Variants in TMTC2 observed in about 807,000 individuals in gnomAD.
TMTC2 encodes protein O-mannosyl-transferase TMTC2.
A neutral mutation model predicts 82.4 loss-of-function variants in TMTC2; 43 were observed. That is an observed-to-expected ratio of 0.52 (90% CI 0.41 to 0.67). The LOEUF is 0.67. TMTC2 is among the 30% of genes least tolerant of loss of function. The pLI, the probability that TMTC2 is intolerant of heterozygous loss-of-function variation, is 0.00. For missense variants in TMTC2, 919 were observed against 1,012.4 expected, an observed-to-expected ratio of 0.91 and a Z score of 1.25; for synonymous variants, 408 against 381.9, an observed-to-expected ratio of 1.07 and a Z score of -0.80.
At position 82,895,818 on chromosome 12, in the gene TMTC2, A is replaced by G; in HGVS notation, c.655A>G (p.Arg219Gly). ...IKQILPTIYK[R>G]KNLSLFLSIS... ...TTTCCCTTCTCTCTTTTGGTTTCAG[A>G]GGAAGAACTTGTCGCTTTTCCTAAG... is the stretch of plus-strand genomic sequence containing the variant. Residue 219 changes from arginine (R) to glycine (G), a missense_variant and splice_region_variant, in exon 3 of 12, where the codon AGG (arginine) becomes GGG (glycine). Physicochemically the swap from Arg to Gly is moderately radical, Grantham distance 125 (BLOSUM62 -2). Coordinates refer to ENST00000321196, the MANE Select transcript of TMTC2 (RefSeq NM_152588.3). 6.3e-7 allele frequency: 1 copy of G among 1,598,816 alleles called. No individual in the cohort carries two copies. Among genetic ancestry groups the G allele is most frequent in the Non-Finnish European group, 8.5e-7 (1 of 1,172,446 alleles).
chr12:82,910,654 G>A (rs1026943143), intron 3 of TMTC2, among the ~76,000 whole-genome samples: 1 of 152,154 alleles, frequency 6.6e-6, no homozygotes, highest in Non-Finnish European at 1.5e-5. Context: ...AGCAGACGGA[G>A]GGCCAGAAGG....
intron 8 of TMTC2, among the ~76,000 whole-genome samples, chr12:83,017,483 C>G (rs114369691): frequency 6.6e-6 from 1 of 152,114 alleles, no homozygotes; most frequent in Non-Finnish European, 1.5e-5. Context: ...TGATGTGCAC[C>G]GTTACCTTGA....
At chr12:82,794,801 A>G (rs970096405) in intron 1 of TMTC2, among the ~76,000 whole-genome samples, 11 of 152,104 alleles carry the variant, frequency 7.2e-5, no homozygotes, top group Non-Finnish European at 1.2e-4. Flanking sequence ...CAGTTTTGCC[A>G]TTTGCAGAGA....
intron 11 of TMTC2, among the ~76,000 whole-genome samples, chr12:83,067,055 T>C (rs1882944888): frequency 6.6e-6 from 1 of 151,948 alleles, no homozygotes; most frequent in South Asian, 2.1e-4. Context: ...AGAATCAATT[T>C]CAGGCATTTG....
chr12:82,938,977 A>T (rs1876558619), intron 4 of TMTC2, among the ~76,000 whole-genome samples: 1 of 152,006 alleles, frequency 6.6e-6, no homozygotes, highest in African/African-American at 2.4e-5. Context: ...TTAATTTTTG[A>T]CTTTTTTACG....
intron 1 of TMTC2, among the ~76,000 whole-genome samples, chr12:82,732,802 TCCTGGCACCTA>T (rs1874897682): frequency 1.3e-5 from 2 of 152,218 alleles, no homozygotes; most frequent in African/African-American, 4.8e-5. Flanking sequence ...ATTTGAAACA[TCCTGGCACCTA>T]CCTAAAACAC....
intron 9 of TMTC2, among the ~76,000 whole-genome samples, chr12:83,036,111 T>C (rs1241625701): frequency 6.6e-6 from 1 of 152,160 alleles, no homozygotes; most frequent in Non-Finnish European, 1.5e-5. Context: ...ATATTTGTTA[T>C]TGATAATGGT....
chr12:83,115,455 A>G (rs957480649), intron 11 of TMTC2, among the ~76,000 whole-genome samples: 2 of 152,050 alleles, frequency 1.3e-5, no homozygotes, highest in African/African-American at 4.8e-5. Flanking sequence ...AATTCTACTT[A>G]TTTTTATCCT....
chr12:82,742,191 C>T (rs1875447088), intron 1 of TMTC2, among the ~76,000 whole-genome samples: 1 of 152,120 alleles, frequency 6.6e-6, no homozygotes, highest in African/African-American at 2.4e-5. Flanking sequence ...CCTCGAGACC[C>T]TCCTGTGTCT....
rs899220545 is a variant in TMTC2 at position 83,071,739 on chromosome 12, G to A, written c.2331+9908G>A. ...CTTCCTGATTTAAGCTAGGAGGGTT[G>A]TATCTTTCCCGGAATTTATCCATCT... On this transcript the variant is annotated intron_variant, in intron 11 of 11. Coordinates refer to ENST00000321196, the MANE Select transcript of TMTC2 (RefSeq NM_152588.3). Among the ~76,000 whole-genome samples the A allele has an allele frequency of 3.9e-5, 6 of 152,066 alleles. No individual in the cohort carries two copies. The East Asian group carries it at 9.6e-4, about 24-fold the overall frequency.
At chr12:82,907,836 A>C (rs1312783322) in intron 3 of TMTC2, among the ~76,000 whole-genome samples, 1 of 152,060 alleles carries the variant, frequency 6.6e-6, no homozygotes, top group Non-Finnish European at 1.5e-5. Context: ...GTCCTAGGCC[A>C]GGCGCGGTGG....
At chr12:82,711,420 TG>T (rs1471100980) in intron 1 of TMTC2, among the ~76,000 whole-genome samples, 3 of 150,350 alleles carry the variant, frequency 2.0e-5, no homozygotes, top group Non-Finnish European at 4.4e-5. Context: ...ATTAATAAAA[TG>T]GGGGAAATAT....
chr12:83,068,939 A>G (rs1255071912), intron 11 of TMTC2, among the ~76,000 whole-genome samples: 1 of 152,014 alleles, frequency 6.6e-6, no homozygotes, highest in Non-Finnish European at 1.5e-5. Context: ...GCTCCCACAT[A>G]TCATTGAGAA....
intron 11 of TMTC2, among the ~76,000 whole-genome samples, chr12:83,083,930 A>G (rs1260054210): frequency 6.6e-6 from 1 of 152,224 alleles, no homozygotes; most frequent in African/African-American, 2.4e-5. Flanking sequence ...GTGATTTTTA[A>G]GAGACTTTCA....
intron 2 of TMTC2, among the ~76,000 whole-genome samples, chr12:82,892,563 T>G (rs1873448746): frequency 6.6e-6 from 1 of 152,224 alleles, no homozygotes. Flanking sequence ...ATTACATCAT[T>G]GTTAAGGCTA....
At chr12:82,912,390 GA>G (rs1233906025) in intron 3 of TMTC2, among the ~76,000 whole-genome samples, 1 of 152,030 alleles carries the variant, frequency 6.6e-6, no homozygotes, top group African/African-American at 2.4e-5. Context: ...AAAGAAATGT[GA>G]TTTTTTTTCT....
intron 1 of TMTC2, among the ~76,000 whole-genome samples, chr12:82,712,429 C>CACA (rs1873673404): frequency 1.4e-5 from 1 of 71,718 alleles, no homozygotes; most frequent in Admixed American, 1.6e-4. Flanking sequence ...AACTCCGTCT[C>CACA]AAAAAAAAAA....
At chr12:82,852,347 T>C (rs1302910528) in intron 1 of TMTC2, among the ~76,000 whole-genome samples, 2 of 152,110 alleles carry the variant, frequency 1.3e-5, no homozygotes, top group African/African-American at 4.8e-5. Context: ...GACCTCGTGA[T>C]CCATCGTCCT....
intron 1 of TMTC2, chr12:82,760,053 A>G (rs1244603861): frequency 3.3e-5 from 5 of 152,094 alleles, no homozygotes; most frequent in Non-Finnish European, 5.9e-5. Flanking sequence ...TGTTTTTCTT[A>G]GTTTTAATTT....
Sources: gnomAD v4.1 joint callset for allele counts (sites outside exome capture counted in the v4.1 genomes callset) on GRCh38, gnomAD v4.1.1 for gene constraint, MANE v1.5 for transcripts, NCBI Gene and HGNC (gene_info 2026-07-23, HGNC 2026-07-21) for gene names.